The following CNTNAP5 variants were observed in gnomAD, a reference collection of about 807,000 sequenced individuals.
CNTNAP5 encodes contactin associated protein family member 5.
A neutral mutation model predicts 150.2 loss-of-function variants in CNTNAP5; 72 were observed. That is an observed-to-expected ratio of 0.48 (90% CI 0.40 to 0.58). CNTNAP5 has a LOEUF of 0.58. Ranked by LOEUF, CNTNAP5 falls within the 20% of genes least tolerant of loss-of-function variation. The pLI, the probability that CNTNAP5 is intolerant of heterozygous loss-of-function variation, is 0.00. For synonymous variants in CNTNAP5, 672 were observed against 619.8 expected (o/e 1.08, Z -1.25); for missense variants, 1,636 against 1,626.2 (o/e 1.01, Z -0.10).
At chr2:124,362,811 C>T (rs907865189) in intron 3 of CNTNAP5, among the ~76,000 whole-genome samples, 34 of 152,304 alleles carry the variant, frequency 2.2e-4, no homozygotes, top group African/African-American at 4.8e-4. Context: ...ATGGATTTTA[C>T]GCCTCATGAG....
At chr2:124,567,904 C>A (rs1487884198) in intron 11 of CNTNAP5, among the ~76,000 whole-genome samples, 1 of 148,872 alleles carries the variant, frequency 6.7e-6, no homozygotes, top group Non-Finnish European at 1.5e-5. Flanking sequence ...GATACCATTA[C>A]AACATATCAA....
intron 5 of CNTNAP5, among the ~76,000 whole-genome samples, chr2:124,441,688 T>C (rs942836176): frequency 1.3e-5 from 2 of 152,060 alleles, no homozygotes; most frequent in African/African-American, 2.4e-5. Context: ...AACTCAGATT[T>C]TTTTTTCTCC....
At chr2:124,233,951 G>C (rs1046312563) in intron 2 of CNTNAP5, among the ~76,000 whole-genome samples, 2 of 151,882 alleles carry the variant, frequency 1.3e-5, no homozygotes, top group Admixed American at 6.6e-5. Flanking sequence ...AAAGAAAATT[G>C]CTCCAAGAAT....
At chr2:124,404,455 A>G (rs952039607) in intron 3 of CNTNAP5, among the ~76,000 whole-genome samples, 1 of 152,140 alleles carries the variant, frequency 6.6e-6, no homozygotes, top group African/African-American at 2.4e-5. Context: ...CAGTCCCAGC[A>G]CCAATCTTGC....
chr2:124,724,928 T>TC, intron 13 of CNTNAP5, among the ~76,000 whole-genome samples: 1 of 150,306 alleles, frequency 6.7e-6, no homozygotes, highest in South Asian at 2.1e-4. Context: ...CTTAGCTTTT[T>TC]TTTTTTTTTT....
At chr2:124,818,440 T>A (rs113040182) in intron 19 of CNTNAP5, among the ~76,000 whole-genome samples, 2,417 of 152,184 alleles carry the variant, frequency 0.016, 61 homozygotes, top group African/African-American at 0.055. Flanking sequence ...GGTGAGAGGA[T>A]GACTTGAGCC....
chr2:124,835,077 A>G (rs1038727101), intron 19 of CNTNAP5, among the ~76,000 whole-genome samples: 4 of 152,226 alleles, frequency 2.6e-5, no homozygotes, highest in Admixed American at 2.6e-4. Flanking sequence ...CATAATTAAT[A>G]ATGACTTTTA....
intron 6 of CNTNAP5, among the ~76,000 whole-genome samples, chr2:124,460,281 T>G (rs1212296179): frequency 2.0e-5 from 3 of 152,198 alleles, no homozygotes; most frequent in Non-Finnish European, 4.4e-5. Flanking sequence ...TACTTTTTAC[T>G]GCATACCCTC....
At chr2:124,139,444 G>A (rs1392491589) in intron 1 of CNTNAP5, among the ~76,000 whole-genome samples, 1 of 152,102 alleles carries the variant, frequency 6.6e-6, no homozygotes, top group Non-Finnish European at 1.5e-5. Context: ...TGAAAAGCAG[G>A]AGAGTAGTTC....
intron 13 of CNTNAP5, among the ~76,000 whole-genome samples, chr2:124,692,516 T>C (rs1558737556): frequency 6.6e-6 from 1 of 152,104 alleles, no homozygotes. Context: ...CTGAAACAAC[T>C]GCTCTCAGAT....
rs374745211 is a variant in CNTNAP5, at chr2:124,719,579, A to G, written c.2078-27650A>G. Among the ~76,000 whole-genome samples, 494 of 152,278 alleles carry G rather than the reference A, an allele frequency of 3.2e-3. 4 individuals are homozygous for G. Among genetic ancestry groups the G allele is most frequent in the African/African-American group, 0.011 (458 of 41,574 alleles). On this transcript the variant is annotated intron_variant, in intron 13 of 23. Transcript: ENST00000682447. ...TTTCTTTCTGATTTTCAACTTCACC[A>G]TATAAATTTGAAAACCTCCTTGCAC...
intron 11 of CNTNAP5, among the ~76,000 whole-genome samples, chr2:124,607,099 A>G (rs1342597112): frequency 1.3e-5 from 2 of 152,196 alleles, no homozygotes; most frequent in East Asian, 3.8e-4. Context: ...TAATGAGACA[A>G]TTTATACTTC....
At chr2:124,794,361 G>A (rs139263076) in intron 18 of CNTNAP5, among the ~76,000 whole-genome samples, 94 of 152,252 alleles carry the variant, frequency 6.2e-4, no homozygotes, top group African/African-American at 2.2e-3. Context: ...ACAGGGAGTC[G>A]TGTTTAACAT....
intron 12 of CNTNAP5, among the ~76,000 whole-genome samples, chr2:124,627,900 C>T (rs1229203945): frequency 6.6e-6 from 1 of 152,102 alleles, no homozygotes; most frequent in Non-Finnish European, 1.5e-5. Flanking sequence ...AAAAACACAG[C>T]ACAAGACAAT....
chr2:124,111,941 A>G (rs914982703), intron 1 of CNTNAP5, among the ~76,000 whole-genome samples: 3 of 152,144 alleles, frequency 2.0e-5, no homozygotes, highest in African/African-American at 7.2e-5. Context: ...TCTGTCCTGG[A>G]AGACATTATC....
At chr2:124,655,126 T>G (rs1678414472) in intron 13 of CNTNAP5, among the ~76,000 whole-genome samples, 1 of 152,110 alleles carries the variant, frequency 6.6e-6, no homozygotes, top group Non-Finnish European at 1.5e-5. Flanking sequence ...GTATTTGTCC[T>G]AATGCTCTCT....
At chr2:124,061,169 T>C (rs1020765559) in intron 1 of CNTNAP5, among the ~76,000 whole-genome samples, 4 of 152,120 alleles carry the variant, frequency 2.6e-5, no homozygotes, top group African/African-American at 9.7e-5. Flanking sequence ...CTGTGCCCCA[T>C]TAAACAAAGC....
chr2:124,165,103 T>A (rs1341366882), intron 1 of CNTNAP5, among the ~76,000 whole-genome samples: 1 of 152,158 alleles, frequency 6.6e-6, no homozygotes, highest in Non-Finnish European at 1.5e-5. Context: ...GTGGACACTG[T>A]TGCCTACCCT....
rs909957027 is a variant in CNTNAP5, at chr2:124,282,726, A to G, written c.381+40333A>G. 5.9e-5 allele frequency among the ~76,000 whole-genome samples: 9 copies of G among 152,136 alleles called. No individual in the cohort carries two copies. In the East Asian group the frequency reaches 1.5e-3, roughly 26 times the overall value. On this transcript the variant is annotated intron_variant, in intron 3 of 23. Coordinates refer to ENST00000682447, the MANE Select transcript of CNTNAP5 (RefSeq NM_001367498.1). ...AAATCAAATTTTAAAATGAGCCTTC[A>G]AAAATGGTTTTCCCATTTCACAGGT...
Sources: allele counts gnomAD v4.1 joint callset (sites outside exome capture counted in the v4.1 genomes callset), GRCh38; gene constraint gnomAD v4.1.1; transcripts MANE v1.5; gene names NCBI Gene and HGNC (gene_info 2026-07-23, HGNC 2026-07-21).